The following CRTC2 variants were observed in gnomAD, a reference collection of about 807,000 sequenced individuals.
CRTC2 encodes the protein CREB regulated transcription coactivator 2, also known as CREB-regulated transcription coactivator 2.
Under a neutral mutation model 70.9 loss-of-function variants are expected in CRTC2, and 25 were observed. The ratio of observed to expected loss-of-function variants is 0.35; its 90% confidence interval spans 0.26 to 0.49. The LOEUF (loss-of-function observed/expected upper bound fraction) is 0.49, where lower values mean the gene tolerates loss of function less well. Among genes scored for constraint, CRTC2 ranks in the 20% least tolerant of loss-of-function variants. The pLI, the probability that CRTC2 is intolerant of heterozygous loss-of-function variation, is 0.98. For missense variants in CRTC2, 737 were observed against 882.6 expected, an observed-to-expected ratio of 0.83 and a Z score of 2.09; for synonymous variants, 330 against 364.1, an observed-to-expected ratio of 0.91 and a Z score of 1.07.
In CRTC2 at chr1:153,951,154, G is replaced by A; in HGVS notation, c.1404+106C>T. 2.5e-6 allele frequency: 3 copies of A among 1,177,264 alleles called. No individual in the cohort carries two copies. In the South Asian group the frequency reaches 4.2e-5, roughly 17 times the overall value. 72.9% of individuals were successfully genotyped at this position (1,177,264 alleles called of 1,614,324 possible). A position where few individuals can be genotyped will look rare whatever the true frequency, so the allele number is the denominator to read the frequency against. ...AGGCGGAGGACAGAGGAATGGAAGG[G>A]GATGAGTATAGAGTAGGTATTTCAG... is the stretch of plus-strand genomic sequence containing the variant. On this transcript the variant is annotated intron_variant, in intron 11 of 13. Transcript: ENST00000368633.
chr1:153,948,511 T>G lies in CRTC2; in HGVS notation c.1808A>C (p.Gln603Pro). The G allele has an allele frequency of 6.2e-7, 1 of 1,612,226 alleles. No homozygotes were observed. Among genetic ancestry groups the G allele is most frequent in the Middle Eastern group, 1.7e-4 (1 of 6,050 alleles). Reference sequence around the variant, plus strand: ...ATGGCGGGAACAGTGGGTCAAGTTCTGGTGGTTGAAGGTGTGGGGATCCTG... The same window carrying G: ...ATGGCGGGAACAGTGGGTCAAGTTCGGGTGGTTGAAGGTGTGGGGATCCTG... ...GPQDPHTFNHQNLTHCSRHGS... is the reference protein window; with the variant it reads ...GPQDPHTFNHPNLTHCSRHGS... The change falls in exon 13 of 14, where the codon CAG (glutamine) becomes CCG (proline). Residue 603 changes from glutamine to proline, a missense_variant. By Grantham distance (76) the Gln-to-Pro change is moderately conservative. Around this residue, in one of 3 missense-constraint regions of CRTC2, gnomAD observed 699 missense variants for 823.7 expected, o/e 0.85. Coordinates refer to ENST00000368633, the MANE Select transcript of CRTC2 (RefSeq NM_181715.3).
At chr1:153,958,014 T>A in intron 1 of CRTC2, 2 of 1,201,968 alleles carry the variant, frequency 1.7e-6, no homozygotes, top group Non-Finnish European at 2.1e-6. Context: ...CATGCTTCAG[T>A]AGCGTCCTCG....
rs965848601 is a variant in CRTC2, at chr1:153,951,543, G to A, written c.1121C>T (p.Ala374Val). The A allele has an allele frequency of 3.7e-6, 6 of 1,608,430 alleles. No homozygotes were observed. The African/African-American group carries it at 4.0e-5, about 11-fold the overall frequency. Reference sequence around the variant, plus strand: ...CAGTACATGGCGGGCCAAGGAGGAGGCAGGCAGAGAGGGGTGGCTGTGGGA... The same window carrying A: ...CAGTACATGGCGGGCCAAGGAGGAGACAGGCAGAGAGGGGTGGCTGTGGGA... ...QGSHSHPSLP[A>V]SSLARHVLPT... Residue 374 changes from alanine (A) to valine (V), a missense_variant, in exon 11 of 14, where the codon GCC becomes GTC. Around this residue, in one of 3 missense-constraint regions of CRTC2, gnomAD observed 699 missense variants for 823.7 expected, o/e 0.85. Transcript: ENST00000368633.
Position 153,954,261 on chromosome 1 carries a change from C to T in CRTC2, c.428G>A (p.Trp143Ter). ...GCCCGCCCTGGACACTTACCTTCGC[C>T]AGCTAGACTCTGGGGGAGGAGATAA... ...AYLSPPPESS[W>*]RRTMAWGNFP... Residue 143 changes from tryptophan to a stop codon, truncating the protein, a stop_gained, in exon 4 of 14, where the codon TGG becomes TAG. Coordinates refer to ENST00000368633, the MANE Select transcript of CRTC2 (RefSeq NM_181715.3). LOFTEE classifies it high-confidence loss of function. The T allele has an allele frequency of 6.2e-7, 1 of 1,612,026 alleles. No individual in the cohort carries two copies. Among genetic ancestry groups the T allele is most frequent in the East Asian group, 2.2e-5 (1 of 44,870 alleles).
intron 13 of CRTC2, 39 bp downstream of exon 13, chr1:153,948,419 T>A (rs1243991253): frequency 1.9e-6 from 3 of 1,609,070 alleles, no homozygotes; most frequent in Admixed American, 1.7e-5. Context: ...ATGTGTCACT[T>A]CCTCCTTCCA....
chr1:153,952,298 G>T, intron 9 of CRTC2, 36 bp from the exon 10 acceptor site: 1 of 1,597,804 alleles, frequency 6.3e-7, no homozygotes, highest in Non-Finnish European at 8.5e-7. Flanking sequence ...ATGTAAATAG[G>T]AGGGTGGGTG....
chr1:153,949,901 C>T (rs1219823267), intron 11 of CRTC2, among the ~76,000 whole-genome samples: 1 of 151,704 alleles, frequency 6.6e-6, no homozygotes, highest in Non-Finnish European at 1.5e-5. Context: ...GAGGCTAACA[C>T]AGGGGTAATT....
At chr1:153,952,709 TG>T in intron 7 of CRTC2, 74 bp from the exon 8 acceptor site, 1 of 1,602,626 alleles carries the variant, frequency 6.2e-7, no homozygotes, top group Non-Finnish European at 8.6e-7. Flanking sequence ...CAGAAGCAGG[TG>T]GGAAGGAGTC....
intron 4 of CRTC2, 56 bp downstream of exon 4, chr1:153,954,199 C>G: frequency 7.1e-7 from 1 of 1,406,240 alleles, no homozygotes; most frequent in African/African-American, 1.4e-5. Context: ...GGGGCAACTC[C>G]TTCCAGAAAC....
chr1:153,957,886 T>C (rs1680711417), intron 1 of CRTC2, among the ~76,000 whole-genome samples: 1 of 152,096 alleles, frequency 6.6e-6, no homozygotes, highest in African/African-American at 2.4e-5. Context: ...CAAGGGGCCC[T>C]TTCCCGGGGG....
chr1:153,948,061 A>C lies in CRTC2; in HGVS notation c.*48T>G. 2 of 1,560,522 alleles carry C rather than the reference A, an allele frequency of 1.3e-6. No homozygotes were observed. The highest frequency in any genetic ancestry group is 1.8e-6 in the Non-Finnish European group (2 of 1,133,578). ...CTGCCAGGGGGAAGGGAGGAAAGGA[A>C]TGGTGGTGGGGGATGGGGCCAAGAA... On this transcript the variant is annotated 3_prime_UTR_variant, in exon 14 of 14. Transcript: ENST00000368633.
chr1:153,951,164 A>G (rs1035529495), intron 11 of CRTC2, 96 bp downstream of exon 11: 2 of 1,262,124 alleles, frequency 1.6e-6, no homozygotes, highest in African/African-American at 1.5e-5. Context: ...GGATGAGTAT[A>G]GAGTAGGTAT....
chr1:153,949,411 T>TTACTGCTC, intron 11 of CRTC2, 27 bp from the exon 12 acceptor site: 1 of 1,582,952 alleles, frequency 6.3e-7, no homozygotes, highest in Non-Finnish European at 8.6e-7. Context: ...AGAGGGAAGC[T>TTACTGCTC]TACTGCTCAG....
At chr1:153,955,242 G>T in intron 1 of CRTC2, 76 bp from the exon 2 acceptor site, 1 of 1,106,320 alleles carries the variant, frequency 9.0e-7, no homozygotes, top group Non-Finnish European at 1.4e-6. Context: ...TGCCATCTCT[G>T]TCACCAGGAT....
At chr1:153,948,405 G>T (rs1680134610) in intron 13 of CRTC2, 53 bp downstream of exon 13, 6 of 1,610,138 alleles carry the variant, frequency 3.7e-6, no homozygotes, top group Non-Finnish European at 5.1e-6. Context: ...CTACTCATTA[G>T]TGAATGTGTC....
chr1:153,956,720 G>A (rs1680633129), intron 1 of CRTC2, among the ~76,000 whole-genome samples: 1 of 152,198 alleles, frequency 6.6e-6, no homozygotes, highest in East Asian at 1.9e-4. Flanking sequence ...ATAACAGGCT[G>A]AGTCCCAGAT....
intron 11 of CRTC2, among the ~76,000 whole-genome samples, chr1:153,951,013 T>C (rs565313587): frequency 1.1e-4 from 16 of 152,314 alleles, no homozygotes; most frequent in African/African-American, 3.8e-4. Flanking sequence ...AAATAACTTG[T>C]CCAAGGTGAC....
chr1:153,952,027 C>G lies in CRTC2; in HGVS notation c.988G>C (p.Asp330His), dbSNP rs1324738903. Residue 330 changes from aspartate to histidine, a missense_variant, in exon 10 of 14, where the codon GAT becomes CAT. Physicochemically the swap from Asp to His is moderately conservative, Grantham distance 81. Around this residue, in one of 3 missense-constraint regions of CRTC2, gnomAD observed 699 missense variants for 823.7 expected, o/e 0.85. Coordinates refer to ENST00000368633, the MANE Select transcript of CRTC2 (RefSeq NM_181715.3). Reference protein sequence around the residue: ...SRGMGLGPGYDAPGLHSPLSH... With the variant: ...SRGMGLGPGYHAPGLHSPLSH... ...CAGGACAGTCACTCACCTGGTGCATCATAGCCTGGGCCCAGGCCCATGCCC... is the reference window on the plus strand; with the variant it reads ...CAGGACAGTCACTCACCTGGTGCATGATAGCCTGGGCCCAGGCCCATGCCC... 1 of 1,613,182 alleles carries G rather than the reference C, an allele frequency of 6.2e-7. No homozygotes were observed. Among genetic ancestry groups the G allele is most frequent in the Admixed American group, 1.7e-5 (1 of 59,982 alleles).
chr1:153,954,758 A>C (rs938053655), intron 3 of CRTC2, 115 bp downstream of exon 3: 3 of 912,808 alleles, frequency 3.3e-6, no homozygotes, highest in Non-Finnish European at 5.2e-6. Flanking sequence ...AGCTGGGTAA[A>C]GAAGAGCTCC....
Sources: allele counts gnomAD v4.1 joint callset (sites outside exome capture counted in the v4.1 genomes callset), GRCh38; gene constraint gnomAD v4.1.1; regional missense constraint gnomAD v4.1.1; transcripts MANE v1.5; gene names NCBI Gene and HGNC (gene_info 2026-07-23, HGNC 2026-07-21).